ADGRE2: variants seen among roughly 807,000 people sequenced by gnomAD.
The protein encoded by ADGRE2 is adhesion G protein-coupled receptor E2.
In ADGRE2, 83 loss-of-function variants were observed where a neutral mutation model predicts 100.8. The ratio of observed to expected loss-of-function variants is 0.82; its 90% CI spans 0.69 to 0.99. The LOEUF (loss-of-function observed/expected upper bound fraction) is 0.99, where lower values mean the gene tolerates loss of function less well. ADGRE2 is among the 50% of genes least tolerant of loss of function. The pLI is 0.00. For synonymous variants in ADGRE2, 355 were observed against 413.0 expected, an observed-to-expected ratio of 0.86 and a Z score of 1.70; for missense variants, 814 against 1,035.7, an observed-to-expected ratio of 0.79 and a Z score of 2.94.
At chr19:14,758,987 A>G (rs1382860144) in intron 11 of ADGRE2, among the ~76,000 whole-genome samples, 2 of 152,126 alleles carry the variant, frequency 1.3e-5, no homozygotes, top group African/African-American at 4.8e-5. Flanking sequence ...GAAGTTTTAT[A>G]GATGAGCTTG....
chr19:14,756,426 T>A, intron 11 of ADGRE2, 81 bp from the exon 12 acceptor site: 1 of 825,916 alleles, frequency 1.2e-6, no homozygotes, highest in Non-Finnish European at 2.1e-6. Context: ...ACTTAATATA[T>A]ATACTATATA....
chr19:14,764,038 TC>T, intron 11 of ADGRE2, among the ~76,000 whole-genome samples: 1 of 149,878 alleles, frequency 6.7e-6, no homozygotes. Context: ...CTCCTTCTCT[TC>T]TTCTTCTTCT....
chr19:14,746,837 T>C lies in ADGRE2; in HGVS notation c.2091+59A>G, dbSNP rs1052171115. 5 of 1,523,912 alleles carry C rather than the reference T, an allele frequency of 3.3e-6. No homozygotes were observed. The South Asian group carries it at 4.6e-5, about 14-fold the overall frequency. The allele number at this position is 1,523,912 out of a possible 1,614,324, so 94.4% of individuals were successfully genotyped here. ...CCTGCTCTTGTCACCATCTTTATTA[T>C]CTTGTTTTTCTAATGACCCTCAGCG... On this transcript the variant is annotated intron_variant, in intron 17 of 20. Transcript: ENST00000315576.
In ADGRE2 at chr19:14,757,178, G is replaced by A. The variant is rs115434888; in HGVS notation, c.1085-833C>T. The stretch of plus-strand genomic sequence containing the variant: ...TTGGTGGCCTCTGACAATATTGGGC[G>A]TGAGCCACTGCTTCTGGCCTACAAA... On this transcript the variant is annotated intron_variant, in intron 11 of 20. Coordinates refer to ENST00000315576, the MANE Select transcript of ADGRE2 (RefSeq NM_013447.4). 3.8e-3 allele frequency among the ~76,000 whole-genome samples: 576 copies of A among 152,192 alleles called. 5 individuals are homozygous for A. Among genetic ancestry groups the A allele is most frequent in the African/African-American group, 0.013 (545 of 41,522 alleles).
chr19:14,727,204 A>AT, the ADGRE2 span, among the ~76,000 whole-genome samples: 2 of 151,614 alleles, frequency 1.3e-5, no homozygotes, highest in South Asian at 2.1e-4. Context: ...ATTTTTTTGT[A>AT]TTTTTAGTAG....
chr19:14,738,767 G>A (rs760131092), intron 20 of ADGRE2, among the ~76,000 whole-genome samples: 4 of 151,998 alleles, frequency 2.6e-5, no homozygotes, highest in Non-Finnish European at 5.9e-5. Flanking sequence ...TCTATGGTTC[G>A]AGATGGTCAG....
intron 16 of ADGRE2, among the ~76,000 whole-genome samples, chr19:14,749,088 A>G (rs912374264): frequency 1.3e-5 from 2 of 151,266 alleles, no homozygotes; most frequent in East Asian, 3.9e-4. Flanking sequence ...ATAAGATCAC[A>G]TTATAATTAT....
At position 14,736,035 on chromosome 19, in the gene ADGRE2, G is replaced by A. The variant is rs2042738822; in HGVS notation, c.*201C>T. 1.6e-5 allele frequency: 9 copies of A among 564,466 alleles called. No individual in the cohort carries two copies. Among genetic ancestry groups the A allele is most frequent in the Non-Finnish European group, 2.9e-5 (9 of 306,350 alleles). 35.0% of individuals were successfully genotyped at this position (564,466 alleles called of 1,614,324 possible). On this transcript the variant is annotated 3_prime_UTR_variant, in exon 21 of 21. Transcript: ENST00000315576. ...CGTCCATATGCTGAGAGTTTGATGA[G>A]CACATTGCAGGGCATGGAAGATTTC...
chr19:14,738,676 C>G (rs1308872459), intron 20 of ADGRE2, among the ~76,000 whole-genome samples: 1 of 152,054 alleles, frequency 6.6e-6, no homozygotes, highest in African/African-American at 2.4e-5. Context: ...CTGCGCCCAG[C>G]CTGAATTCCT....
chr19:14,746,466 G>A lies in ADGRE2; in HGVS notation c.2092-143C>T, dbSNP rs977182829. On this transcript the variant is annotated intron_variant, in intron 17 of 20. Transcript: ENST00000315576. Reference sequence around the variant, plus strand: ...CAGCTCACTGCCACCTCTGCCTCCCGGGTTCGAGCGATTCTCCTGTCTCAG... The same window carrying A: ...CAGCTCACTGCCACCTCTGCCTCCCAGGTTCGAGCGATTCTCCTGTCTCAG... The A allele has an allele frequency of 6.7e-5, 40 of 595,198 alleles. No homozygotes were observed. The Admixed American group carries it at 9.7e-4, about 14-fold the overall frequency. The allele number at this position is 595,198 out of a possible 1,614,324, so 36.9% of individuals were successfully genotyped here.
At position 14,765,388 on chromosome 19, in the gene ADGRE2, G is replaced by T; in HGVS notation, c.838C>A (p.Arg280=). The change falls in exon 10 of 21, where the codon CGA becomes AGA. Residue 280 remains arginine (R), a synonymous_variant. Transcript: ENST00000315576. ...AGGTCCTGGACTTTGTCGAAGAATC[G>T]GGAAAGCGTCTGCAGAGAGAGGAGA... The part of the protein sequence containing the change: ...PPGVHSQTLS[R]FFDKVQDLGR... 1 of 1,614,122 alleles carries T rather than the reference G, an allele frequency of 6.2e-7. No individual in the cohort carries two copies. Among genetic ancestry groups the T allele is most frequent in the Non-Finnish European group, 8.5e-7 (1 of 1,179,998 alleles).
chr19:14,731,293 C>A (rs1393850415), downstream of ADGRE2: 3 of 1,138,078 alleles, frequency 2.6e-6, no homozygotes, highest in Non-Finnish European at 2.5e-6. Context: ...TCCAAATCTG[C>A]AGATTCTGAA....
At chr19:14,767,430 G>T (rs1283995343) in intron 5 of ADGRE2, among the ~76,000 whole-genome samples, 4 of 151,962 alleles carry the variant, frequency 2.6e-5, no homozygotes, top group African/African-American at 9.7e-5. Flanking sequence ...AGTATTAGAC[G>T]GGGTTTCACC....
At chr19:14,757,765 G>C (rs2043552068) in intron 11 of ADGRE2, among the ~76,000 whole-genome samples, 1 of 151,730 alleles carries the variant, frequency 6.6e-6, no homozygotes, top group Non-Finnish European at 1.5e-5. Context: ...GAGGAAACAG[G>C]GGTAAATCTT....
At chr19:14,736,306 G>A in intron 20 of ADGRE2, 62 bp from the exon 21 acceptor site, 1 of 1,160,672 alleles carries the variant, frequency 8.6e-7, no homozygotes, top group Non-Finnish European at 1.3e-6. Flanking sequence ...TTGTTGCCTG[G>A]GCTGGAGTGC....
Position 14,735,172 on chromosome 19 carries a change from AC to A in ADGRE2, c.*1063del, listed in dbSNP as rs1027376288. 7 of 152,130 alleles carry A rather than the reference AC, an allele frequency of 4.6e-5. No homozygotes were observed. Among genetic ancestry groups the A allele is most frequent in the African/African-American group, 1.7e-4 (7 of 41,482 alleles). 9.4% of individuals were successfully genotyped at this position (152,130 alleles called of 1,614,324 possible). Reference sequence around the variant, plus strand: ...GGGGCTGCTTTTCATTAAATGGAAAACCTTACTGAGGACTTCCTACCCTTGC... The same window carrying A: ...GGGGCTGCTTTTCATTAAATGGAAAACTTACTGAGGACTTCCTACCCTTGC... On this transcript the variant is annotated 3_prime_UTR_variant, in exon 21 of 21. Coordinates refer to ENST00000315576, the MANE Select transcript of ADGRE2 (RefSeq NM_013447.4).
chr19:14,742,417 G>A (rs1312699765), intron 20 of ADGRE2, among the ~76,000 whole-genome samples: 3 of 152,056 alleles, frequency 2.0e-5, no homozygotes, highest in African/African-American at 7.2e-5. Context: ...TGCTTTATAG[G>A]GACGAGGTGT....
At position 14,766,222 on chromosome 19, in the gene ADGRE2, C is replaced by G; in HGVS notation, c.634+13G>C. ...TTGTGGGTCTCTGGGAACGTGGGAT[C>G]TGAGCTCTCGACCTTCACAGACGGT... On this transcript the variant is annotated intron_variant, in intron 7 of 20. Coordinates refer to ENST00000315576, the MANE Select transcript of ADGRE2 (RefSeq NM_013447.4). 1 of 1,614,076 alleles carries G rather than the reference C, an allele frequency of 6.2e-7. No homozygotes were observed. The highest frequency in any genetic ancestry group is 8.5e-7 in the Non-Finnish European group (1 of 1,180,002).
chr19:14,771,573 C>A (rs2044208042), intron 5 of ADGRE2, among the ~76,000 whole-genome samples: 1 of 152,094 alleles, frequency 6.6e-6, no homozygotes, highest in Admixed American at 6.6e-5. Context: ...GGAGTGTGGC[C>A]CCACAGGAGC....
Sources: allele counts gnomAD v4.1 joint callset (sites outside exome capture counted in the v4.1 genomes callset), GRCh38; gene constraint gnomAD v4.1.1; transcripts MANE v1.5; gene names NCBI Gene and HGNC (gene_info 2026-07-23, HGNC 2026-07-21).